Variants in CRYM observed in about 807,000 individuals in gnomAD.
CRYM encodes the protein ketimine reductase mu-crystallin.
Under a neutral mutation model 32.9 loss-of-function variants are expected in CRYM, and 18 were observed. The observed-to-expected ratio is 0.55, with a 90% CI of 0.38 to 0.81. The LOEUF is 0.81. Among genes scored for constraint, CRYM ranks in the 30% least tolerant of loss-of-function variants. The pLI is 0.00. For missense variants in CRYM, 337 were observed against 393.5 expected (o/e 0.86, Z 1.21); for synonymous variants, 153 against 152.4 (o/e 1.00, Z -0.03).
intron 1 of CRYM, among the ~76,000 whole-genome samples, chr16:21,299,359 A>G (rs1481370729): frequency 1.3e-5 from 2 of 151,424 alleles, no homozygotes; most frequent in South Asian, 2.1e-4. Context: ...CCCAGGTTGG[A>G]GTTGAGTGGC....
intron 1 of CRYM, among the ~76,000 whole-genome samples, chr16:21,288,170 A>C (rs1437055352): frequency 6.6e-6 from 1 of 152,254 alleles, no homozygotes; most frequent in Non-Finnish European, 1.5e-5. Flanking sequence ...TTTAAAAACC[A>C]AACAGGAGGA....
At chr16:21,301,865 A>AGGCGGC (rs1960950212) in intron 1 of CRYM, among the ~76,000 whole-genome samples, 1 of 152,156 alleles carries the variant, frequency 6.6e-6, no homozygotes, top group South Asian at 2.1e-4. Context: ...GCGGAGGCGG[A>AGGCGGC]GGCGGCAGCG....
intron 1 of CRYM, among the ~76,000 whole-genome samples, chr16:21,297,317 C>A (rs775108088): frequency 6.6e-6 from 1 of 152,044 alleles, no homozygotes; most frequent in South Asian, 2.1e-4. Context: ...TTGCTTGATC[C>A]GGGAGGCAGA....
At chr16:21,268,077 C>G (rs938919313) in intron 4 of CRYM, among the ~76,000 whole-genome samples, 1 of 152,166 alleles carries the variant, frequency 6.6e-6, no homozygotes, top group Non-Finnish European at 1.5e-5. Context: ...AGTTCTGGAG[C>G]CAGGTAGGCT....
intron 1 of CRYM, among the ~76,000 whole-genome samples, chr16:21,290,104 G>A (rs1426029846): frequency 6.6e-6 from 1 of 152,016 alleles, no homozygotes; most frequent in Non-Finnish European, 1.5e-5. Flanking sequence ...ATGTGGGTGG[G>A]GCCAAATAAG....
At chr16:21,299,261 T>C (rs1313958634) in intron 1 of CRYM, among the ~76,000 whole-genome samples, 1 of 152,158 alleles carries the variant, frequency 6.6e-6, no homozygotes, top group Admixed American at 6.5e-5. Flanking sequence ...GCACTGCGTT[T>C]AGGAATAAAG....
chr16:21,287,075 G>A (rs530291356), intron 1 of CRYM, among the ~76,000 whole-genome samples: 1 of 149,506 alleles, frequency 6.7e-6, no homozygotes, highest in Admixed American at 6.7e-5. Context: ...GGGCGACAGA[G>A]CGAGACTCCG....
intron 4 of CRYM, among the ~76,000 whole-genome samples, chr16:21,268,114 C>T (rs1407348021): frequency 6.6e-6 from 1 of 152,200 alleles, no homozygotes; most frequent in Non-Finnish European, 1.5e-5. Context: ...TCTGCTATTT[C>T]CTGAAATTGC....
At chr16:21,289,994 C>T (rs531404872) in intron 1 of CRYM, among the ~76,000 whole-genome samples, 12 of 148,092 alleles carry the variant, frequency 8.1e-5, no homozygotes, top group African/African-American at 2.6e-4. Flanking sequence ...GACCAATCAG[C>T]ACTCTGTAAA....
At chr16:21,272,288 T>C (rs1321814579) in intron 3 of CRYM, among the ~76,000 whole-genome samples, 1 of 152,212 alleles carries the variant, frequency 6.6e-6, no homozygotes, top group Non-Finnish European at 1.5e-5. Context: ...TTAAAGAGTC[T>C]GAAAGTCTGT....
chr16:21,300,681 C>T (rs1363156829), intron 1 of CRYM, among the ~76,000 whole-genome samples: 1 of 152,130 alleles, frequency 6.6e-6, no homozygotes, highest in African/African-American at 2.4e-5. Context: ...GATTTTTCCC[C>T]AACCAGGAAG....
chr16:21,261,208 C>T (rs1237572081), intron 7 of CRYM, 46 bp downstream of exon 7: 2 of 1,454,880 alleles, frequency 1.4e-6, no homozygotes, highest in Non-Finnish European at 1.9e-6. Flanking sequence ...GGTGAACCTG[C>T]CTTGTGCGCT....
Position 21,261,358 on chromosome 16 carries a change from T to TGACC in CRYM, c.796-24_796-21dup. 6.2e-7 allele frequency: 1 copy of TGACC among 1,607,166 alleles called. No individual in the cohort carries two copies. The highest frequency in any genetic ancestry group is 1.1e-5 in the South Asian group (1 of 90,946). ...CTCGGCCTAGGAAACAAACATACGC[T>TGACC]GACCCAGGCATGAAGCTAAAGTCTG... On this transcript the variant is annotated intron_variant, in intron 6 of 7. Coordinates refer to ENST00000572914, the MANE Select transcript of CRYM (RefSeq NM_001376256.1).
At chr16:21,264,001 A>G (rs183481361) in intron 5 of CRYM, among the ~76,000 whole-genome samples, 2 of 152,364 alleles carry the variant, frequency 1.3e-5, no homozygotes, top group Admixed American at 1.3e-4. Context: ...TATGGTCCAA[A>G]CCAAACACAT....
At chr16:21,260,994 G>C in intron 7 of CRYM, 1 of 550,868 alleles carries the variant, frequency 1.8e-6, no homozygotes, top group African/African-American at 1.9e-5. Flanking sequence ...CAGGTGGTGA[G>C]GAAACTGAGG....
intron 1 of CRYM, among the ~76,000 whole-genome samples, chr16:21,284,781 C>T (rs1225592631): frequency 6.6e-6 from 1 of 152,210 alleles, no homozygotes. Context: ...ATTTATTTTC[C>T]TTTGCGTATA....
At chr16:21,289,066 G>A (rs1410291091) in intron 1 of CRYM, among the ~76,000 whole-genome samples, 1 of 152,082 alleles carries the variant, frequency 6.6e-6, no homozygotes, top group Non-Finnish European at 1.5e-5. Context: ...TGTGTATTTT[G>A]TTATTGTTGG....
chr16:21,273,547 G>A (rs1190831966), intron 3 of CRYM, among the ~76,000 whole-genome samples: 1 of 152,136 alleles, frequency 6.6e-6, no homozygotes, highest in Non-Finnish European at 1.5e-5. Context: ...CTGTGATTTT[G>A]ATTCAGTAGG....
In CRYM at chr16:21,290,574, C is replaced by G. The variant is rs116503818; in HGVS notation, c.-192-11614G>C. On this transcript the variant is annotated intron_variant, in intron 1 of 9. Transcript: ENST00000219599. ...AGGGAACCAATTCTGGCCACAAAAG[C>G]ATCTTACAAATATGCTTTTTGCTCA... is the stretch of plus-strand genomic sequence containing the variant. Among the ~76,000 whole-genome samples, 89 of 152,336 alleles carry G rather than the reference C, an allele frequency of 5.8e-4. 2 individuals are homozygous for G. The highest frequency in any genetic ancestry group is 2.1e-3 in the African/African-American group (88 of 41,586).
Sources: allele counts gnomAD v4.1 joint callset (sites outside exome capture counted in the v4.1 genomes callset), GRCh38; gene constraint gnomAD v4.1.1; transcripts MANE v1.5; gene names NCBI Gene and HGNC (gene_info 2026-07-23, HGNC 2026-07-21).